Variants in QSER1 observed in about 807,000 individuals in gnomAD.
QSER1 encodes glutamine and serine-rich protein 1.
In QSER1, 49 loss-of-function variants were observed where a neutral mutation model predicts 158.5. The ratio of observed to expected loss-of-function variants is 0.31; its 90% confidence interval spans 0.25 to 0.39. QSER1 has a LOEUF of 0.39. QSER1 is among the 10% of genes least tolerant of loss of function. The probability of loss-of-function intolerance (pLI) is 1.00; values close to 1 mark genes in which losing one functional copy is unlikely to be tolerated. For synonymous variants in QSER1, 650 were observed against 715.5 expected, an observed-to-expected ratio of 0.91 and a Z score of 1.46; for missense variants, 1,754 against 2,010.3, an observed-to-expected ratio of 0.87 and a Z score of 2.44.
At chr11:32,916,857 G>C (rs1232680963) in intron 1 of QSER1, among the ~76,000 whole-genome samples, 5 of 151,570 alleles carry the variant, frequency 3.3e-5, no homozygotes, top group African/African-American at 1.2e-4. Flanking sequence ...CGTGATCTCA[G>C]CTCACTGCAA....
intron 4 of QSER1, among the ~76,000 whole-genome samples, chr11:32,952,959 C>T (rs971769419): frequency 4.0e-5 from 6 of 151,854 alleles, no homozygotes; most frequent in East Asian, 1.9e-4. Flanking sequence ...CGCACCACCA[C>T]GCCCAGCTAA....
chr11:32,958,521 G>C (rs1267000849), intron 8 of QSER1, among the ~76,000 whole-genome samples: 1 of 152,056 alleles, frequency 6.6e-6, no homozygotes, highest in East Asian at 1.9e-4. Flanking sequence ...AAGTAGCTGG[G>C]ACTATAGGTG....
At position 32,933,843 on chromosome 11, in the gene QSER1, T is replaced by C. The variant is rs748131563; in HGVS notation, c.2585T>C (p.Leu862Ser). 6.2e-7 allele frequency: 1 copy of C among 1,613,346 alleles called. No homozygotes were observed. Among genetic ancestry groups the C allele is most frequent in the Non-Finnish European group, 8.5e-7 (1 of 1,179,786 alleles). ...GTCCTTTTAGATTCTGCCTGTGATT[T>C]ACAAATTCTTCAGCAGTCAATACTG... ...TQVLLDSACD[L>S]QILQQSILQA... is the part of the protein sequence containing the mutation. The change falls in exon 4 of 13, where the codon TTA becomes TCA. Residue 862 changes from leucine to serine, a missense_variant. This residue lies in a region of QSER1 where 1,707 missense variants were observed against 1,919.6 expected (regional missense o/e 0.89). Coordinates refer to ENST00000650167, the MANE Select transcript of QSER1 (RefSeq NM_001076786.3).
chr11:32,903,558 A>C (rs906566437), intron 1 of QSER1, among the ~76,000 whole-genome samples: 2 of 151,868 alleles, frequency 1.3e-5, no homozygotes, highest in Non-Finnish European at 2.9e-5. Context: ...AGAAGAAAAA[A>C]TGTTACCTTG....
chr11:32,935,145 C>T lies in QSER1; in HGVS notation c.3887C>T (p.Thr1296Ile), dbSNP rs761923900. 6.2e-7 allele frequency: 1 copy of T among 1,614,064 alleles called. No homozygotes were observed. The highest frequency in any genetic ancestry group is 8.5e-7 in the Non-Finnish European group (1 of 1,179,982). The change falls in exon 4 of 13, where the codon ACT becomes ATT. Residue 1296 changes from threonine (T) to isoleucine (I), a missense_variant. Around this residue, in one of 2 missense-constraint regions of QSER1, gnomAD observed 1,707 missense variants for 1,919.6 expected, o/e 0.89. Coordinates refer to ENST00000650167, the MANE Select transcript of QSER1 (RefSeq NM_001076786.3). ...LKSGPKQQFS[T>I]LAVRMPNRTR... ...TCCGGGCCCAAGCAGCAGTTTTCCA[C>T]TCTTGCTGTACGAATGCCTAACAGG...
chr11:32,949,035 C>T (rs1475142721), intron 4 of QSER1, among the ~76,000 whole-genome samples: 1 of 152,088 alleles, frequency 6.6e-6, no homozygotes, highest in African/African-American at 2.4e-5. Flanking sequence ...TCCATTTAAT[C>T]CCCTCCTGAC....
At chr11:32,971,557 T>C (rs1852856993) in intron 10 of QSER1, among the ~76,000 whole-genome samples, 1 of 152,212 alleles carries the variant, frequency 6.6e-6, no homozygotes, top group Non-Finnish European at 1.5e-5. Flanking sequence ...ATAATAATTC[T>C]GGATCCAAAA....
At chr11:32,930,874 G>A (rs1852036036) in intron 3 of QSER1, among the ~76,000 whole-genome samples, 1 of 152,176 alleles carries the variant, frequency 6.6e-6, no homozygotes, top group African/African-American at 2.4e-5. Context: ...GTCCTGAAAT[G>A]TTAACAGTCT....
chr11:32,906,539 C>T (rs1293544880), intron 1 of QSER1, among the ~76,000 whole-genome samples: 2 of 151,916 alleles, frequency 1.3e-5, no homozygotes, highest in Non-Finnish European at 2.9e-5. Context: ...GCTAGGACTA[C>T]AGGTATGTGC....
At chr11:32,964,594 G>A (rs1382105551) in intron 8 of QSER1, among the ~76,000 whole-genome samples, 3 of 151,154 alleles carry the variant, frequency 2.0e-5, no homozygotes, top group South Asian at 2.1e-4. Context: ...GGCCAGGCAC[G>A]GTGGCTTACA....
chr11:32,898,696 C>T (rs967978500), intron 1 of QSER1, among the ~76,000 whole-genome samples: 1 of 152,124 alleles, frequency 6.6e-6, no homozygotes, highest in Non-Finnish European at 1.5e-5. Context: ...AGGTGATCCT[C>T]CCAAGTAGCT....
At chr11:32,959,669 T>C (rs1333384183) in intron 8 of QSER1, among the ~76,000 whole-genome samples, 1 of 152,188 alleles carries the variant, frequency 6.6e-6, no homozygotes, top group Non-Finnish European at 1.5e-5. Context: ...ACAAGTATCA[T>C]TGCTTGAGAG....
intron 11 of QSER1, 54 bp downstream of exon 11, chr11:32,973,603 T>G: frequency 6.8e-7 from 1 of 1,478,226 alleles, no homozygotes; most frequent in Non-Finnish European, 9.2e-7. Context: ...GTTAATACAA[T>G]TCCTACTTAA....
intron 10 of QSER1, among the ~76,000 whole-genome samples, chr11:32,972,543 C>G (rs918591211): frequency 6.6e-6 from 1 of 152,038 alleles, no homozygotes; most frequent in Non-Finnish European, 1.5e-5. Context: ...TCAAGCGATT[C>G]TCTTACCTCA....
intron 1 of QSER1, among the ~76,000 whole-genome samples, chr11:32,923,682 A>T (rs1222899362): frequency 7.0e-6 from 1 of 143,864 alleles, no homozygotes; most frequent in Non-Finnish European, 1.5e-5. Flanking sequence ...TTGTCTCAAA[A>T]AAAAAGGCCG....
At chr11:32,966,659 C>A (rs1564947484) in intron 9 of QSER1, among the ~76,000 whole-genome samples, 1 of 152,092 alleles carries the variant, frequency 6.6e-6, no homozygotes, top group Non-Finnish European at 1.5e-5. Flanking sequence ...AATTGTATAG[C>A]TTCTAACCAG....
chr11:32,929,378 G>T (rs775983814), intron 3 of QSER1, among the ~76,000 whole-genome samples: 1 of 152,116 alleles, frequency 6.6e-6, no homozygotes, highest in Admixed American at 6.6e-5. Flanking sequence ...TCCCAAAAGC[G>T]ACCGGCCTAG....
chr11:32,908,830 C>T (rs981024733), intron 1 of QSER1, among the ~76,000 whole-genome samples: 1 of 152,126 alleles, frequency 6.6e-6, no homozygotes, highest in African/African-American at 2.4e-5. Context: ...CCAAATTTTT[C>T]TCCCCTAAAG....
At position 32,954,292 on chromosome 11, in the gene QSER1, C is replaced by T. The variant is rs1852475225; in HGVS notation, c.4500+113C>T. On this transcript the variant is annotated intron_variant, in intron 5 of 12. Coordinates refer to ENST00000650167, the MANE Select transcript of QSER1 (RefSeq NM_001076786.3). ...ACTTTGAATTATGGGAAGTTTTATGCATTATAAGTGTTTGATAAAATCAAA... is the reference window on the plus strand; with the variant it reads ...ACTTTGAATTATGGGAAGTTTTATGTATTATAAGTGTTTGATAAAATCAAA... 5.8e-6 allele frequency: 7 copies of T among 1,206,280 alleles called. No individual in the cohort carries two copies. In the East Asian group the frequency reaches 1.5e-4, roughly 26 times the overall value. The allele number at this position is 1,206,280 out of a possible 1,614,324, so 74.7% of individuals were successfully genotyped here. A position where few individuals can be genotyped will look rare whatever the true frequency, so the allele number is the denominator to read the frequency against.
Sources: gnomAD v4.1 joint callset for allele counts (sites outside exome capture counted in the v4.1 genomes callset) on GRCh38, gnomAD v4.1.1 for gene constraint, gnomAD v4.1.1 regional missense constraint, MANE v1.5 for transcripts, NCBI Gene and HGNC (gene_info 2026-07-23, HGNC 2026-07-21) for gene names.